Variants in ATP8A1 observed in about 807,000 individuals in gnomAD.
ATP8A1 encodes the protein ATPase phospholipid transporting 8A1.
In ATP8A1, 90 loss-of-function variants were observed where a neutral mutation model predicts 177.7. That is an observed-to-expected ratio of 0.51 (90% confidence interval 0.43 to 0.60). ATP8A1 has a LOEUF of 0.60. Ranked by LOEUF, ATP8A1 falls within the 20% of genes least tolerant of loss-of-function variation. ATP8A1 has a pLI of 0.00. For missense variants in ATP8A1, 1,072 were observed against 1,392.8 expected (o/e 0.77, Z 3.67); for synonymous variants, 493 against 485.9 (o/e 1.01, Z -0.19).
At chr4:42,573,606 A>G (rs1361581115) in intron 14 of ATP8A1, among the ~76,000 whole-genome samples, 1 of 152,226 alleles carries the variant, frequency 6.6e-6, no homozygotes, top group Non-Finnish European at 1.5e-5. Flanking sequence ...AACCTCGTTT[A>G]TACATATAGT....
chr4:42,488,869 C>T (rs1163127165), intron 24 of ATP8A1, among the ~76,000 whole-genome samples: 2 of 152,130 alleles, frequency 1.3e-5, no homozygotes, highest in African/African-American at 4.8e-5. Context: ...CAGGAAAGAC[C>T]GCGTTAAACC....
At chr4:42,456,740 CA>C (rs1259702822) in intron 27 of ATP8A1, among the ~76,000 whole-genome samples, 1 of 152,118 alleles carries the variant, frequency 6.6e-6, no homozygotes, top group Non-Finnish European at 1.5e-5. Flanking sequence ...CAAAACCTAA[CA>C]ACACCGACAA....
At chr4:42,642,912 C>A (rs960373175) in intron 1 of ATP8A1, among the ~76,000 whole-genome samples, 1 of 152,164 alleles carries the variant, frequency 6.6e-6, no homozygotes, top group Non-Finnish European at 1.5e-5. Context: ...AGTTCAGTTT[C>A]CAAAATCTGA....
Position 42,581,475 on chromosome 4 carries a change from AG to A in ATP8A1, c.834+145del, listed in dbSNP as rs1733068913. On this transcript the variant is annotated intron_variant, in intron 10 of 36. Coordinates refer to ENST00000381668, the MANE Select transcript of ATP8A1 (RefSeq NM_006095.2). ...GAGGTAATTTCAAGGTCCCACTCAC[AG>A]GAGTACCAGATTCTGAACATATAGG... 4.5e-6 allele frequency: 3 copies of A among 666,150 alleles called. No homozygotes were observed. In the South Asian group the frequency reaches 5.0e-5, roughly 11 times the overall value. 41.3% of individuals were successfully genotyped at this position (666,150 alleles called of 1,614,324 possible).
At chr4:42,622,972 G>T (rs1207368731) in intron 4 of ATP8A1, among the ~76,000 whole-genome samples, 3 of 148,310 alleles carry the variant, frequency 2.0e-5, no homozygotes, top group Non-Finnish European at 4.4e-5. Flanking sequence ...TCGCACCACT[G>T]CACTCCAGCC....
At chr4:42,639,161 G>A (rs745473497) in intron 1 of ATP8A1, among the ~76,000 whole-genome samples, 1 of 152,124 alleles carries the variant, frequency 6.6e-6, no homozygotes, top group Non-Finnish European at 1.5e-5. Context: ...GAGGGTTGAA[G>A]GAGTTGTATT....
chr4:42,450,466 C>A (rs897357048), intron 30 of ATP8A1, among the ~76,000 whole-genome samples: 5 of 152,120 alleles, frequency 3.3e-5, no homozygotes, highest in African/African-American at 1.2e-4. Context: ...AAAGAGTTAA[C>A]TTTTATGGTA....
At chr4:42,511,765 C>T (rs1725025402) in intron 22 of ATP8A1, among the ~76,000 whole-genome samples, 1 of 152,068 alleles carries the variant, frequency 6.6e-6, no homozygotes, top group Admixed American at 6.5e-5. Context: ...ATAATGGAAC[C>T]TCAAAGTGAC....
chr4:42,609,835 A>C (rs961896592), intron 5 of ATP8A1, among the ~76,000 whole-genome samples: 1 of 152,122 alleles, frequency 6.6e-6, no homozygotes, highest in East Asian at 1.9e-4. Flanking sequence ...CACAAGTGGA[A>C]GCCTATCCAT....
At chr4:42,467,394 C>CT (rs1719888566) in intron 25 of ATP8A1, among the ~76,000 whole-genome samples, 2 of 152,136 alleles carry the variant, frequency 1.3e-5, no homozygotes, top group Admixed American at 1.3e-4. Context: ...CATTACCAAG[C>CT]TTTAAAAGTG....
rs140326074 is a variant in ATP8A1 at position 42,542,239 on chromosome 4, T to C, written c.1722+1678A>G. 4.5e-3 allele frequency among the ~76,000 whole-genome samples: 690 copies of C among 152,222 alleles called. 18 individuals carry two copies. Among genetic ancestry groups the C allele is most frequent in the Admixed American group, 0.04 (618 of 15,288 alleles). ...AAATTTTTTTTCAGAACAGCAAAAATATATGCAAGCTAATTCTATGATTAT... is the reference window on the plus strand; with the variant it reads ...AAATTTTTTTTCAGAACAGCAAAAACATATGCAAGCTAATTCTATGATTAT... On this transcript the variant is annotated intron_variant, in intron 20 of 36. Transcript: ENST00000381668.
intron 24 of ATP8A1, among the ~76,000 whole-genome samples, chr4:42,499,847 T>G (rs548148859): frequency 3.6e-4 from 55 of 152,350 alleles, no homozygotes; most frequent in African/African-American, 1.3e-3. Flanking sequence ...GATTCTCTAG[T>G]GCTTAGCTCA....
intron 25 of ATP8A1, among the ~76,000 whole-genome samples, chr4:42,477,962 A>G (rs1038727435): frequency 6.6e-6 from 1 of 152,318 alleles, no homozygotes; most frequent in Non-Finnish European, 1.5e-5. Context: ...CCTGGGCAAC[A>G]GAGCAAGACT....
At chr4:42,629,959 A>G in intron 1 of ATP8A1, among the ~76,000 whole-genome samples, 1 of 152,362 alleles carries the variant, frequency 6.6e-6, no homozygotes, top group Non-Finnish European at 1.5e-5. Context: ...TTAATGAACC[A>G]ACACTTTGAG....
chr4:42,589,899 G>A (rs1388965031), intron 7 of ATP8A1, among the ~76,000 whole-genome samples: 5 of 151,586 alleles, frequency 3.3e-5, no homozygotes, highest in Admixed American at 1.3e-4. Context: ...TAAATGGCTA[G>A]GAAGTTAGGA....
chr4:42,413,517 C>T (rs924617947), intron 36 of ATP8A1, among the ~76,000 whole-genome samples: 8 of 152,166 alleles, frequency 5.3e-5, no homozygotes, highest in South Asian at 2.1e-4. Flanking sequence ...TCAAAATCCA[C>T]GGATGCTTAA....
intron 21 of ATP8A1, among the ~76,000 whole-genome samples, chr4:42,522,998 C>T (rs1384384300): frequency 2.0e-5 from 3 of 151,756 alleles, no homozygotes; most frequent in Non-Finnish European, 4.4e-5. Flanking sequence ...GAAGAGAGAC[C>T]CTGGTGGGGT....
chr4:42,491,621 T>G (rs1459674672), intron 24 of ATP8A1, among the ~76,000 whole-genome samples: 1 of 152,148 alleles, frequency 6.6e-6, no homozygotes, highest in Non-Finnish European at 1.5e-5. Context: ...AAGCCCTGAT[T>G]TGTTTGGAAA....
intron 1 of ATP8A1, among the ~76,000 whole-genome samples, chr4:42,628,126 G>T (rs1349215402): frequency 6.6e-6 from 1 of 152,112 alleles, no homozygotes; most frequent in Non-Finnish European, 1.5e-5. Context: ...ACAAACAGCA[G>T]GTACCCAATG....
Sources: gnomAD v4.1 joint callset for allele counts (sites outside exome capture counted in the v4.1 genomes callset) on GRCh38, gnomAD v4.1.1 for gene constraint, MANE v1.5 for transcripts, NCBI Gene and HGNC (gene_info 2026-07-23, HGNC 2026-07-21) for gene names.